The following MREG variants were observed in gnomAD, a reference collection of about 807,000 sequenced individuals.
MREG encodes the protein dilute suppressor protein homolog.
Under a neutral mutation model 28.5 loss-of-function variants are expected in MREG, and 31 were observed. The ratio of observed to expected loss-of-function variants is 1.09; its 90% CI spans 0.82 to 1.47. The LOEUF (loss-of-function observed/expected upper bound fraction) is 1.47. Among genes scored for constraint, MREG ranks in the 40% most tolerant of loss-of-function variants. The pLI, the probability that MREG is intolerant of heterozygous loss-of-function variation, is 0.00. For synonymous variants in MREG, 106 were observed against 95.2 expected (o/e 1.11, Z -0.66); for missense variants, 256 against 257.4 (o/e 0.99, Z 0.04).
chr2:215,952,749 A>G (rs1369891840), intron 2 of MREG, among the ~76,000 whole-genome samples: 3 of 152,096 alleles, frequency 2.0e-5, no homozygotes, highest in African/African-American at 7.2e-5. Flanking sequence ...AATGAAAACC[A>G]GAGGTTTTCA....
intron 1 of MREG, among the ~76,000 whole-genome samples, chr2:216,002,615 AC>A (rs1451042425): frequency 2.6e-5 from 4 of 152,158 alleles, no homozygotes; most frequent in Non-Finnish European, 5.9e-5. Context: ...ACACTCACAG[AC>A]TTTTGGTTTG....
At chr2:216,011,123 T>C (rs1446516183) in intron 1 of MREG, among the ~76,000 whole-genome samples, 2 of 150,666 alleles carry the variant, frequency 1.3e-5, no homozygotes, top group African/African-American at 4.9e-5. Flanking sequence ...ATAGTGGTGA[T>C]TGTTGCTTAA....
chr2:215,996,016 C>A (rs989645050), intron 2 of MREG, among the ~76,000 whole-genome samples: 14 of 152,162 alleles, frequency 9.2e-5, no homozygotes, highest in Non-Finnish European at 5.9e-5. Context: ...ACGGTTTAAG[C>A]CATTTAAGAT....
intron 2 of MREG, among the ~76,000 whole-genome samples, chr2:215,975,609 C>G (rs376013380): frequency 3.3e-5 from 5 of 152,202 alleles, no homozygotes; most frequent in Non-Finnish European, 5.9e-5. Context: ...CTTTACTAGA[C>G]ACTGCCACAG....
At chr2:215,991,595 CAAT>C (rs1693722353) in intron 2 of MREG, among the ~76,000 whole-genome samples, 2 of 151,166 alleles carry the variant, frequency 1.3e-5, no homozygotes, top group Non-Finnish European at 3.0e-5. Context: ...AAAAAAAAAT[CAAT>C]GAATCCAGGA....
chr2:215,942,306 C>A (rs960834097), downstream of MREG, among the ~76,000 whole-genome samples: 1 of 152,084 alleles, frequency 6.6e-6, no homozygotes. Flanking sequence ...GACAGGGAGA[C>A]AAAAAGTGGG....
intron 1 of MREG, among the ~76,000 whole-genome samples, chr2:216,030,375 T>G (rs1694661404): frequency 6.6e-6 from 1 of 152,180 alleles, no homozygotes; most frequent in South Asian, 2.1e-4. Flanking sequence ...CTTGAACAAG[T>G]TTCTTGACCT....
chr2:216,017,678 T>C (rs971456536), upstream of MREG, among the ~76,000 whole-genome samples: 1 of 152,126 alleles, frequency 6.6e-6, no homozygotes, highest in South Asian at 2.1e-4. Context: ...CAGCTGCTTG[T>C]TTCCAAGGCA....
intron 2 of MREG, among the ~76,000 whole-genome samples, chr2:215,979,119 A>G (rs1184482223): frequency 6.6e-6 from 1 of 152,136 alleles, no homozygotes; most frequent in African/African-American, 2.4e-5. Context: ...GCTATCTTAC[A>G]TTTTTTTCTA....
In MREG at chr2:215,944,269, C is replaced by G. The variant is rs893097904; in HGVS notation, c.*594G>C. ...CTGGGATTACAGGCATGAGCCACCA[C>G]GCCCAGCCATTCCTTGTCATTTCTA... On this transcript the variant is annotated 3_prime_UTR_variant, in exon 5 of 5. Coordinates refer to ENST00000263268, the MANE Select transcript of MREG (RefSeq NM_018000.3). 6.6e-6 allele frequency: 1 copy of G among 152,228 alleles called. No homozygotes were observed. Among genetic ancestry groups the G allele is most frequent in the African/African-American group, 2.4e-5 (1 of 41,452 alleles). The allele number at this position is 152,228 out of a possible 1,614,324, so 9.4% of individuals were successfully genotyped here.
intron 1 of MREG, among the ~76,000 whole-genome samples, chr2:216,000,497 A>G (rs1693989295): frequency 6.6e-6 from 1 of 151,784 alleles, no homozygotes; most frequent in African/African-American, 2.4e-5. Flanking sequence ...GGCTTCCAAC[A>G]TCACAATAAC....
At chr2:215,945,456 G>A in intron 4 of MREG, 115 bp downstream of exon 4, 2 of 1,252,372 alleles carry the variant, frequency 1.6e-6, no homozygotes, top group Non-Finnish European at 2.2e-6. Flanking sequence ...GCCAGCATCT[G>A]CCACCTCATA....
chr2:215,984,330 A>G (rs997075490), intron 2 of MREG, among the ~76,000 whole-genome samples: 10 of 152,048 alleles, frequency 6.6e-5, no homozygotes, highest in Admixed American at 2.6e-4. Flanking sequence ...CAGCCAAACC[A>G]TATCAGTTAG....
rs995407562 is a variant in MREG, at chr2:215,942,720, C to T, written c.*2143G>A. 1 of 152,546 alleles carries T rather than the reference C, an allele frequency of 6.6e-6. No homozygotes were observed. Among genetic ancestry groups the T allele is most frequent in the Non-Finnish European group, 1.5e-5 (1 of 68,018 alleles). The allele number at this position is 152,546 out of a possible 1,614,324, so 9.4% of individuals were successfully genotyped here. ...ACTGTGGTAACAATTTATAGATGCACACAATCTCATCTATTTTGACATAAA... is the reference window on the plus strand; with the variant it reads ...ACTGTGGTAACAATTTATAGATGCATACAATCTCATCTATTTTGACATAAA... On this transcript the variant is annotated 3_prime_UTR_variant, in exon 5 of 5. Coordinates refer to ENST00000263268, the MANE Select transcript of MREG (RefSeq NM_018000.3).
intron 2 of MREG, among the ~76,000 whole-genome samples, chr2:215,991,890 T>G (rs1490132484): frequency 6.6e-6 from 1 of 152,128 alleles, no homozygotes; most frequent in Non-Finnish European, 1.5e-5. Flanking sequence ...GTTCTGAAAT[T>G]GAGGCAGTAA....
intron 2 of MREG, among the ~76,000 whole-genome samples, chr2:215,979,390 G>A (rs547227601): frequency 1.8e-4 from 28 of 151,572 alleles, no homozygotes; most frequent in African/African-American, 6.8e-4. Context: ...TTGAACCCGG[G>A]AGGCGGAGAT....
intron 2 of MREG, among the ~76,000 whole-genome samples, chr2:215,975,737 G>A (rs1693239028): frequency 6.6e-6 from 1 of 152,170 alleles, no homozygotes; most frequent in Non-Finnish European, 1.5e-5. Flanking sequence ...TTGGGAAAGT[G>A]TAACTATCAA....
At chr2:215,945,118 A>T (rs1461080441) in intron 4 of MREG, 121 bp from the exon 5 acceptor site, 1 of 1,031,200 alleles carries the variant, frequency 9.7e-7, no homozygotes, top group Non-Finnish European at 1.3e-6. Flanking sequence ...AGCAAGTAAG[A>T]CGTTTATTAA....
intron 2 of MREG, among the ~76,000 whole-genome samples, chr2:215,985,754 G>T (rs1023251853): frequency 1.3e-5 from 2 of 152,034 alleles, no homozygotes; most frequent in African/African-American, 2.4e-5. Context: ...TTCCAAATAT[G>T]GACATTCCTA....
Sources: allele counts gnomAD v4.1 joint callset (sites outside exome capture counted in the v4.1 genomes callset), GRCh38; gene constraint gnomAD v4.1.1; transcripts MANE v1.5; gene names NCBI Gene and HGNC (gene_info 2026-07-23, HGNC 2026-07-21).